Variants in TBC1D4 observed in about 807,000 individuals in gnomAD.
TBC1D4 encodes the protein TBC (Tre-2, BUB2, CDC16) domain-containing protein.
A neutral mutation model predicts 142.5 loss-of-function variants in TBC1D4; 121 were observed. The observed-to-expected ratio is 0.85, with a 90% CI of 0.73 to 0.99. The LOEUF (loss-of-function observed/expected upper bound fraction) is 0.99, where lower values mean the gene tolerates loss of function less well. Ranked by LOEUF, TBC1D4 falls within the 50% of genes least tolerant of loss-of-function variation. The pLI is 0.00. For missense variants in TBC1D4, 1,475 were observed against 1,606.6 expected, an observed-to-expected ratio of 0.92 and a Z score of 1.40; for synonymous variants, 630 against 628.2, an observed-to-expected ratio of 1.00 and a Z score of -0.04.
chr13:75,320,812 A>T (rs2137981940), intron 11 of TBC1D4, among the ~76,000 whole-genome samples: 1 of 149,780 alleles, frequency 6.7e-6, no homozygotes. Flanking sequence ...TCACGAGGTC[A>T]GGAGATCAAG....
At chr13:75,449,729 G>T (rs1362227016) in intron 1 of TBC1D4, among the ~76,000 whole-genome samples, 13 of 151,930 alleles carry the variant, frequency 8.6e-5, no homozygotes, top group Non-Finnish European at 1.5e-5. Context: ...GGGATTACAG[G>T]CATGCACCAC....
At chr13:75,347,392 A>G (rs1356878605) in intron 5 of TBC1D4, among the ~76,000 whole-genome samples, 2 of 152,188 alleles carry the variant, frequency 1.3e-5, no homozygotes, top group South Asian at 2.1e-4. Context: ...CTGGATTCCA[A>G]TCTGCTATCT....
At chr13:75,315,367 TATAC>T (rs1315938736) in intron 12 of TBC1D4, among the ~76,000 whole-genome samples, 9 of 147,652 alleles carry the variant, frequency 6.1e-5, no homozygotes, top group African/African-American at 7.5e-5. Context: ...TATATATATA[TATAC>T]ACACACACAC....
intron 2 of TBC1D4, among the ~76,000 whole-genome samples, chr13:75,360,279 A>G (rs1203849347): frequency 6.6e-6 from 1 of 152,180 alleles, no homozygotes; most frequent in Non-Finnish European, 1.5e-5. Context: ...TTTGAAAATA[A>G]CCCATTCAGA....
intron 1 of TBC1D4, among the ~76,000 whole-genome samples, chr13:75,430,316 C>T (rs1886544970): frequency 1.3e-5 from 2 of 152,258 alleles, no homozygotes; most frequent in South Asian, 2.1e-4. Context: ...ACAGCTTTTA[C>T]TCTGAAAAAT....
intron 1 of TBC1D4, among the ~76,000 whole-genome samples, chr13:75,380,894 C>A (rs987915757): frequency 7.2e-5 from 11 of 152,068 alleles, no homozygotes; most frequent in Non-Finnish European, 1.3e-4. Flanking sequence ...CCAAAATGCC[C>A]TCTCTGTAAC....
chr13:75,366,154 C>T (rs1433253820), intron 1 of TBC1D4, among the ~76,000 whole-genome samples: 2 of 152,198 alleles, frequency 1.3e-5, no homozygotes, highest in African/African-American at 4.8e-5. Flanking sequence ...GATTTACACA[C>T]ACCAATTTAA....
chr13:75,320,709 T>A (rs1878678090), intron 11 of TBC1D4, among the ~76,000 whole-genome samples: 1 of 151,658 alleles, frequency 6.6e-6, no homozygotes, highest in Non-Finnish European at 1.5e-5. Context: ...AATTTAAAAT[T>A]TCAAAATAAT....
At chr13:75,291,531 T>C (rs1193341400) in intron 19 of TBC1D4, among the ~76,000 whole-genome samples, 1 of 152,172 alleles carries the variant, frequency 6.6e-6, no homozygotes. Flanking sequence ...GGAGAATGTT[T>C]CCTGTAGGGA....
chr13:75,341,333 C>T lies in TBC1D4; in HGVS notation c.1501-98G>A, dbSNP rs538083903. 42 of 1,363,282 alleles carry T rather than the reference C, an allele frequency of 3.1e-5. No individual in the cohort carries two copies. In the African/African-American group the frequency reaches 6.0e-4, roughly 19 times the overall value. The allele number at this position is 1,363,282 out of a possible 1,614,324, so 84.4% of individuals were successfully genotyped here. On this transcript the variant is annotated intron_variant, in intron 6 of 20. Coordinates refer to ENST00000377636, the MANE Select transcript of TBC1D4 (RefSeq NM_014832.5). The stretch of plus-strand genomic sequence containing the variant: ...ACGTAAATAAAGCTAAGAGTTTTAA[C>T]TTCGCTCAGAAGCAAAAGTAAAATG...
At chr13:75,436,083 G>A (rs1211203873) in intron 1 of TBC1D4, among the ~76,000 whole-genome samples, 1 of 152,098 alleles carries the variant, frequency 6.6e-6, no homozygotes, top group East Asian at 1.9e-4. Flanking sequence ...TTCCCATGCT[G>A]TTCTCATGAT....
intron 12 of TBC1D4, among the ~76,000 whole-genome samples, chr13:75,315,413 TA>T (rs1878220935): frequency 7.6e-6 from 1 of 131,360 alleles, no homozygotes; most frequent in Non-Finnish European, 1.7e-5. Context: ...CATATATATA[TA>T]TATACACACA....
intron 1 of TBC1D4, among the ~76,000 whole-genome samples, chr13:75,397,370 AGGG>A (rs1169859483): frequency 7.2e-5 from 11 of 152,222 alleles, no homozygotes; most frequent in African/African-American, 2.4e-4. Flanking sequence ...CAAAAAATAA[AGGG>A]CAGATACCAG....
intron 1 of TBC1D4, among the ~76,000 whole-genome samples, chr13:75,389,598 C>G (rs762284380): frequency 2.1e-4 from 32 of 151,310 alleles, no homozygotes; most frequent in Non-Finnish European, 1.5e-4. Flanking sequence ...TTATGAGAAA[C>G]AGTTAATTAA....
intron 8 of TBC1D4, among the ~76,000 whole-genome samples, chr13:75,334,274 T>A (rs1880011490): frequency 6.6e-6 from 1 of 152,128 alleles, no homozygotes; most frequent in Non-Finnish European, 1.5e-5. Context: ...TTATGACACG[T>A]CACCATTTTT....
chr13:75,309,675 T>C (rs1186201461), intron 14 of TBC1D4, among the ~76,000 whole-genome samples: 1 of 152,228 alleles, frequency 6.6e-6, no homozygotes, highest in Non-Finnish European at 1.5e-5. Flanking sequence ...TTTACCTAAA[T>C]ATACTCTAAG....
At chr13:75,419,344 T>A (rs1886062669) in intron 1 of TBC1D4, among the ~76,000 whole-genome samples, 1 of 152,196 alleles carries the variant, frequency 6.6e-6, no homozygotes, top group East Asian at 1.9e-4. Context: ...TGAAGTTTTA[T>A]GCAACATTTT....
In TBC1D4 at chr13:75,306,376, A is replaced by G; in HGVS notation, c.2689T>C (p.Leu897=). The G allele has an allele frequency of 6.2e-7, 1 of 1,613,348 alleles. No homozygotes were observed. The highest frequency in any genetic ancestry group is 8.5e-7 in the Non-Finnish European group (1 of 1,179,858). Residue 897 remains leucine, a synonymous_variant, in exon 15 of 21, where the codon TTG becomes CTG. Transcript: ENST00000377636. ...KEVLITWDKK[L]LNCRAKIRCD... is the part of the protein sequence containing the mutation. ...CTGATTTTAGCTCTGCAGTTTAACAACTTCTTATCCCAAGTTATTAAGACC... is the reference window on the plus strand; with the variant it reads ...CTGATTTTAGCTCTGCAGTTTAACAGCTTCTTATCCCAAGTTATTAAGACC...
rs5804806 is a variant in TBC1D4 at position 75,372,274 on chromosome 13, C to CTT, written c.499-9669_499-9668dup. The stretch of plus-strand genomic sequence containing the variant: ...AATTAGTCCTATTATTTAAGGCTCA[C>CTT]TTTTTTTTTTTTGAGACCAAGTCTC... On this transcript the variant is annotated intron_variant, in intron 1 of 20. Coordinates refer to ENST00000377636, the MANE Select transcript of TBC1D4 (RefSeq NM_014832.5). Among the ~76,000 whole-genome samples, 1,406 of 147,812 alleles carry CTT rather than the reference C, an allele frequency of 9.5e-3. 27 individuals carry two copies. Among genetic ancestry groups the CTT allele is most frequent in the African/African-American group, 0.028 (1,143 of 40,490 alleles).
Sources: gnomAD v4.1 joint callset for allele counts (sites outside exome capture counted in the v4.1 genomes callset) on GRCh38, gnomAD v4.1.1 for gene constraint, MANE v1.5 for transcripts, NCBI Gene and HGNC (gene_info 2026-07-23, HGNC 2026-07-21) for gene names.